The following BMPR2 variants were observed in gnomAD, a reference collection of about 807,000 sequenced individuals.
BMPR2 encodes bone morphogenetic protein receptor type 2.
BMPR2 carries 29 observed loss-of-function variants against 100.8 expected under a neutral mutation model. That is an observed-to-expected ratio of 0.29 (90% CI 0.21 to 0.39). The LOEUF (loss-of-function observed/expected upper bound fraction) is 0.39, where lower values mean the gene tolerates loss of function less well. BMPR2 is among the 10% of genes least tolerant of loss of function. The pLI, the probability that BMPR2 is intolerant of heterozygous loss-of-function variation, is 1.00. For synonymous variants in BMPR2, 382 were observed against 442.3 expected, an observed-to-expected ratio of 0.86 and a Z score of 1.71; for missense variants, 1,011 against 1,274.5, an observed-to-expected ratio of 0.79 and a Z score of 3.15.
intron 5 of BMPR2, among the ~76,000 whole-genome samples, chr2:202,517,336 T>C (rs1687729947): frequency 1.0e-5 from 1 of 95,258 alleles, no homozygotes; most frequent in Non-Finnish European, 2.6e-5. Context: ...TTATTTTATC[T>C]TTTTTTTTTT....
intron 1 of BMPR2, among the ~76,000 whole-genome samples, chr2:202,378,843 C>A (rs1337465335): frequency 6.6e-6 from 1 of 152,028 alleles, no homozygotes; most frequent in African/African-American, 2.4e-5. Context: ...CCATGTGGTT[C>A]CTGTAAAATA....
At chr2:202,448,363 C>T (rs1482353866) in intron 1 of BMPR2, among the ~76,000 whole-genome samples, 2 of 149,404 alleles carry the variant, frequency 1.3e-5, no homozygotes, top group Admixed American at 6.7e-5. Flanking sequence ...AGGAGAATGG[C>T]GTGAACCCGG....
At chr2:202,543,873 A>G (rs1457956909) in intron 10 of BMPR2, among the ~76,000 whole-genome samples, 4 of 152,208 alleles carry the variant, frequency 2.6e-5, no homozygotes, top group African/African-American at 9.6e-5. Context: ...TACATTAGTT[A>G]CTAAAATCTC....
Position 202,555,893 on chromosome 2 carries a change from A to G in BMPR2, c.2228A>G (p.Tyr743Cys), listed in dbSNP as rs148257675. Reference sequence around the variant, plus strand: ...CCTGATGTTCTGCCTACTCAGATCTATCCTCTCCCCAAGCAGCAGAACCTT... The same window carrying G: ...CCTGATGTTCTGCCTACTCAGATCTGTCCTCTCCCCAAGCAGCAGAACCTT... ...LIPDVLPTQI[Y>C]PLPKQQNLPK... The change falls in exon 12 of 13, where the codon TAT becomes TGT. Residue 743 changes from tyrosine to cysteine, a missense_variant. Tyr to Cys is a radical substitution (Grantham distance 194). Transcript: ENST00000374580. 1.0e-4 allele frequency: 168 copies of G among 1,614,152 alleles called. No homozygotes were observed. The highest frequency in any genetic ancestry group is 1.3e-4 in the Non-Finnish European group (157 of 1,180,036).
chr2:202,488,956 G>GC (rs1692840843), intron 3 of BMPR2, among the ~76,000 whole-genome samples: 1 of 151,092 alleles, frequency 6.6e-6, no homozygotes, highest in Admixed American at 6.6e-5. Flanking sequence ...TACTACTTGA[G>GC]ATACCTCATA....
intron 5 of BMPR2, among the ~76,000 whole-genome samples, chr2:202,516,402 G>A (rs964390430): frequency 3.9e-5 from 6 of 152,206 alleles, no homozygotes; most frequent in African/African-American, 1.2e-4. Context: ...GCTGAGTGCT[G>A]TGACTCACAC....
intron 1 of BMPR2, among the ~76,000 whole-genome samples, chr2:202,429,874 C>T (rs1179557875): frequency 6.6e-6 from 1 of 152,136 alleles, no homozygotes; most frequent in Non-Finnish European, 1.5e-5. Flanking sequence ...GGAAACTGCA[C>T]CATGATCCAG....
intron 7 of BMPR2, among the ~76,000 whole-genome samples, chr2:202,522,881 A>G (rs1687843275): frequency 6.6e-6 from 1 of 152,186 alleles, no homozygotes; most frequent in Non-Finnish European, 1.5e-5. Context: ...TTCTTCCTCT[A>G]AGATATACAT....
At chr2:202,457,590 AGAGT>A (rs1559044520) in intron 1 of BMPR2, among the ~76,000 whole-genome samples, 1 of 146,646 alleles carries the variant, frequency 6.8e-6, no homozygotes. Context: ...AGAGAGAGAG[AGAGT>A]ATTATAGATA....
chr2:202,417,379 C>T (rs990161407), intron 1 of BMPR2, among the ~76,000 whole-genome samples: 23 of 151,638 alleles, frequency 1.5e-4, no homozygotes, highest in African/African-American at 1.9e-4. Flanking sequence ...CTCGGCTCAC[C>T]GCAGCCTCCG....
In BMPR2 at chr2:202,435,189, G is replaced by A. The variant is rs537564610; in HGVS notation, c.77-29620G>A. Among the ~76,000 whole-genome samples the A allele has an allele frequency of 8.3e-5, 12 of 144,988 alleles. No individual in the cohort carries two copies. The South Asian group carries it at 1.9e-3, about 23-fold the overall frequency. ...AGCCTGGCCAAGATGGTGAAACCCCGTCTCTACTGAAAAAAGACAAAAAAA... is the reference window on the plus strand; with the variant it reads ...AGCCTGGCCAAGATGGTGAAACCCCATCTCTACTGAAAAAAGACAAAAAAA... On this transcript the variant is annotated intron_variant, in intron 1 of 12. Coordinates refer to ENST00000374580, the MANE Select transcript of BMPR2 (RefSeq NM_001204.7).
chr2:202,530,718 C>G (rs1688007290), intron 7 of BMPR2, 76 bp from the exon 8 acceptor site: 2 of 1,315,802 alleles, frequency 1.5e-6, no homozygotes, highest in South Asian at 2.7e-5. Flanking sequence ...AATACTACTT[C>G]TATATTTATG....
At chr2:202,544,314 G>T (rs2106032972) in intron 10 of BMPR2, among the ~76,000 whole-genome samples, 1 of 152,206 alleles carries the variant, frequency 6.6e-6, no homozygotes, top group East Asian at 1.9e-4. Flanking sequence ...CTTAAGTAAT[G>T]TGTATTAGTA....
At chr2:202,459,275 C>T (rs1692180378) in intron 1 of BMPR2, among the ~76,000 whole-genome samples, 1 of 152,122 alleles carries the variant, frequency 6.6e-6, no homozygotes, top group Non-Finnish European at 1.5e-5. Context: ...TAGCTCCATA[C>T]CTGTTGAATA....
At chr2:202,451,410 C>T (rs1691977733) in intron 1 of BMPR2, among the ~76,000 whole-genome samples, 1 of 152,148 alleles carries the variant, frequency 6.6e-6, no homozygotes, top group African/African-American at 2.4e-5. Context: ...TAAAACTGTA[C>T]AATTCCAGCC....
At chr2:202,388,988 G>T (rs1057340166) in intron 1 of BMPR2, among the ~76,000 whole-genome samples, 1 of 151,892 alleles carries the variant, frequency 6.6e-6, no homozygotes, top group Non-Finnish European at 1.5e-5. Context: ...TGTAATCTTT[G>T]GGAGGCTGAG....
intron 1 of BMPR2, among the ~76,000 whole-genome samples, chr2:202,436,517 A>C (rs754254707): frequency 8.6e-5 from 13 of 150,790 alleles, no homozygotes; most frequent in Non-Finnish European, 1.3e-4. Flanking sequence ...AAGGAAACTT[A>C]GTTTTATCTT....
chr2:202,417,599 A>C (rs1691161596), intron 1 of BMPR2, among the ~76,000 whole-genome samples: 1 of 151,834 alleles, frequency 6.6e-6, no homozygotes, highest in South Asian at 2.1e-4. Context: ...CACTGCGCCC[A>C]GCCTTCCATG....
At chr2:202,450,725 A>C (rs1691962846) in intron 1 of BMPR2, among the ~76,000 whole-genome samples, 1 of 151,914 alleles carries the variant, frequency 6.6e-6, no homozygotes, top group Admixed American at 6.6e-5. Context: ...TTTCACCATA[A>C]GATTGGGAAA....
Sources: allele counts gnomAD v4.1 joint callset (sites outside exome capture counted in the v4.1 genomes callset), GRCh38; gene constraint gnomAD v4.1.1; transcripts MANE v1.5; gene names NCBI Gene and HGNC (gene_info 2026-07-23, HGNC 2026-07-21).